The following GRIA2 variants were observed in gnomAD, a reference collection of about 807,000 sequenced individuals.
GRIA2 encodes the protein glutamate receptor 2.
A neutral mutation model predicts 97.3 loss-of-function variants in GRIA2; 14 were observed. That is an observed-to-expected ratio of 0.14 (90% CI 0.10 to 0.23). GRIA2 has a LOEUF of 0.23. Ranked by LOEUF, GRIA2 falls within the 10% of genes least tolerant of loss-of-function variation. The probability of loss-of-function intolerance (pLI) is 1.00; values close to 1 mark genes in which losing one functional copy is unlikely to be tolerated. For synonymous variants in GRIA2, 412 were observed against 387.8 expected (o/e 1.06, Z -0.73); for missense variants, 558 against 1,069.8 (o/e 0.52, Z 6.67).
At chr4:157,347,153 T>C (rs1735798778) in intron 12 of GRIA2, among the ~76,000 whole-genome samples, 1 of 152,136 alleles carries the variant, frequency 6.6e-6, no homozygotes, top group African/African-American at 2.4e-5. Flanking sequence ...AATAAGGAGA[T>C]GTAGAAGAAG....
intron 6 of GRIA2, among the ~76,000 whole-genome samples, chr4:157,325,372 T>C (rs1734757684): frequency 6.6e-6 from 1 of 152,220 alleles, no homozygotes; most frequent in East Asian, 1.9e-4. Context: ...TCCCTTTTAC[T>C]AATTTGCTAT....
At position 157,322,621 on chromosome 4, in the gene GRIA2, G is replaced by A. The variant is rs141426204; in HGVS notation, c.882+1022G>A. Among the ~76,000 whole-genome samples the A allele has an allele frequency of 3.3e-3, 498 of 152,294 alleles. 2 individuals are homozygous for A. The highest frequency in any genetic ancestry group is 0.011 in the African/African-American group (462 of 41,560). On this transcript the variant is annotated intron_variant, in intron 6 of 15. Coordinates refer to ENST00000264426, the MANE Select transcript of GRIA2 (RefSeq NM_001083619.3). ...AGTTGGTAACCTTATTGAGAGCAGA[G>A]TTAAAATGAAAAACTGGCTAAGGGT... is the stretch of plus-strand genomic sequence containing the variant.
chr4:157,284,674 A>AT (rs1232053040), intron 2 of GRIA2, among the ~76,000 whole-genome samples: 1 of 151,704 alleles, frequency 6.6e-6, no homozygotes, highest in African/African-American at 2.4e-5. Context: ...GTTTACTCTA[A>AT]AAAGAGTATA....
chr4:157,302,417 T>C (rs1579345968), intron 2 of GRIA2, among the ~76,000 whole-genome samples: 1 of 152,140 alleles, frequency 6.6e-6, no homozygotes, highest in South Asian at 2.1e-4. Context: ...ATTTCACTAG[T>C]TGGGTAAGAT....
At chr4:157,254,207 G>A (rs1191807052) in intron 2 of GRIA2, among the ~76,000 whole-genome samples, 2 of 151,896 alleles carry the variant, frequency 1.3e-5, no homozygotes, top group East Asian at 3.9e-4. Flanking sequence ...AAAACAATTA[G>A]ATAATTATCT....
chr4:157,355,606 A>ATATATATTTATTTT (rs1560780535), intron 12 of GRIA2, among the ~76,000 whole-genome samples: 1 of 137,724 alleles, frequency 7.3e-6, no homozygotes, highest in African/African-American at 2.7e-5. Context: ...ATATATATTT[A>ATATATATTTATTTT]TATATATTTA....
chr4:157,301,224 G>A (rs960366272), intron 2 of GRIA2, among the ~76,000 whole-genome samples: 1 of 152,156 alleles, frequency 6.6e-6, no homozygotes, highest in East Asian at 1.9e-4. Flanking sequence ...ATACACTTAT[G>A]TATAAAATAA....
At chr4:157,312,101 A>G (rs533171511) in intron 3 of GRIA2, among the ~76,000 whole-genome samples, 2 of 152,048 alleles carry the variant, frequency 1.3e-5, no homozygotes, top group Admixed American at 1.3e-4. Flanking sequence ...TAACAAAAAA[A>G]ATAACATAAC....
At chr4:157,346,566 T>A (rs1182001369) in intron 12 of GRIA2, among the ~76,000 whole-genome samples, 1 of 152,148 alleles carries the variant, frequency 6.6e-6, no homozygotes, top group East Asian at 1.9e-4. Flanking sequence ...TGTGTCTCTA[T>A]ATATGCAGAA....
intron 2 of GRIA2, among the ~76,000 whole-genome samples, chr4:157,290,552 A>C (rs918875538): frequency 1.3e-4 from 20 of 151,378 alleles, no homozygotes; most frequent in African/African-American, 4.4e-4. Flanking sequence ...AGTTCATGGA[A>C]TAGAATAGCA....
chr4:157,242,251 A>G (rs935660839), intron 2 of GRIA2, among the ~76,000 whole-genome samples: 10 of 152,154 alleles, frequency 6.6e-5, no homozygotes, highest in Non-Finnish European at 1.2e-4. Context: ...TTAGCAATAC[A>G]CTAGTAATGA....
At chr4:157,300,237 G>A (rs1733556210) in intron 2 of GRIA2, among the ~76,000 whole-genome samples, 2 of 152,090 alleles carry the variant, frequency 1.3e-5, no homozygotes, top group South Asian at 4.1e-4. Context: ...CCAAAGTACT[G>A]CAGCTAATAT....
intron 2 of GRIA2, among the ~76,000 whole-genome samples, chr4:157,295,102 A>G (rs947010647): frequency 1.3e-4 from 20 of 152,278 alleles, no homozygotes; most frequent in African/African-American, 4.6e-4. Flanking sequence ...GCTATCCCAG[A>G]TAATGAATGA....
chr4:157,362,658 A>C, intron 14 of GRIA2, 141 bp from the exon 15 acceptor site: 1 of 750,330 alleles, frequency 1.3e-6, no homozygotes, highest in Non-Finnish European at 2.2e-6. Context: ...TGGACCATCT[A>C]AGAGAAAATC....
chr4:157,312,684 T>TC lies in GRIA2; in HGVS notation c.476dup (p.Thr160AsnfsTer11). ...ATTTTTCTTTGCCTTCCTAGGCTTA[T>TC]CAACACTGCAAGCTGTGCTGGATTC... is the stretch of plus-strand genomic sequence containing the variant. On this transcript the variant is annotated frameshift_variant, in exon 4 of 16. Coordinates refer to ENST00000264426, the MANE Select transcript of GRIA2 (RefSeq NM_001083619.3). LOFTEE classifies it high-confidence loss of function. 1 of 1,586,284 alleles carries TC rather than the reference T, an allele frequency of 6.3e-7. No homozygotes were observed. The highest frequency in any genetic ancestry group is 8.6e-7 in the Non-Finnish European group (1 of 1,163,974).
At chr4:157,342,321 A>G (rs905596674) in intron 12 of GRIA2, 18 of 985,020 alleles carry the variant, frequency 1.8e-5, no homozygotes, top group Middle Eastern at 5.2e-4. Context: ...ATCTCATGCT[A>G]CATTACCTCT....
intron 2 of GRIA2, among the ~76,000 whole-genome samples, chr4:157,290,337 C>T (rs1733037813): frequency 6.6e-6 from 1 of 151,742 alleles, no homozygotes; most frequent in African/African-American, 2.4e-5. Flanking sequence ...TGGTCCAATG[C>T]TGTTTAATAT....
chr4:157,268,746 GTAAATTA>G lies in GRIA2; in HGVS notation c.230-34804_230-34798del, dbSNP rs150350401. 6.3e-3 allele frequency among the ~76,000 whole-genome samples: 960 copies of G among 151,676 alleles called. 10 individuals carry two copies. The highest frequency in any genetic ancestry group is 0.022 in the African/African-American group (921 of 41,376). ...TTTAATTTAATTTTATTCCATCTGAGTAAATTATTCAACTTTAAATTCAGGGAATGCT... is the reference window on the plus strand; with the variant it reads ...TTTAATTTAATTTTATTCCATCTGAGTTCAACTTTAAATTCAGGGAATGCT... On this transcript the variant is annotated intron_variant, in intron 2 of 15. Coordinates refer to ENST00000264426, the MANE Select transcript of GRIA2 (RefSeq NM_001083619.3).
chr4:157,254,428 C>T (rs1731151600), intron 2 of GRIA2, among the ~76,000 whole-genome samples: 1 of 152,000 alleles, frequency 6.6e-6, no homozygotes, highest in South Asian at 2.1e-4. Flanking sequence ...TTTAAAAAAT[C>T]AGATTGGGAA....
Sources: allele counts gnomAD v4.1 joint callset (sites outside exome capture counted in the v4.1 genomes callset), GRCh38; gene constraint gnomAD v4.1.1; transcripts MANE v1.5; gene names NCBI Gene and HGNC (gene_info 2026-07-23, HGNC 2026-07-21).